Variants in IRAK4 observed in about 807,000 individuals in gnomAD.
IRAK4 encodes the protein interleukin 1 receptor associated kinase 4.
In IRAK4, 44 loss-of-function variants were observed where a neutral mutation model predicts 51.8. The observed-to-expected ratio is 0.85, with a 90% CI of 0.67 to 1.09. The LOEUF is 1.09. IRAK4 is among the 50% of genes least tolerant of loss of function. The pLI is 0.00. For synonymous variants in IRAK4, 149 were observed against 174.1 expected, an observed-to-expected ratio of 0.86 and a Z score of 1.13; for missense variants, 487 against 538.0, an observed-to-expected ratio of 0.91 and a Z score of 0.94.
At chr12:43,769,152 T>C (rs1362627078) in intron 2 of IRAK4, among the ~76,000 whole-genome samples, 1 of 152,168 alleles carries the variant, frequency 6.6e-6, no homozygotes, top group Admixed American at 6.5e-5. Context: ...TCTTTTTTTT[T>C]TCTTTTTTCC....
intron 8 of IRAK4, among the ~76,000 whole-genome samples, chr12:43,779,767 CT>C (rs1259376896): frequency 6.6e-6 from 1 of 152,092 alleles, no homozygotes; most frequent in Non-Finnish European, 1.5e-5. Context: ...TGTGAATTCT[CT>C]TTTGTACATG....
At chr12:43,779,213 T>C (rs4251507) in intron 8 of IRAK4, among the ~76,000 whole-genome samples, 1,555 of 152,112 alleles carry the variant, frequency 0.01, 34 homozygotes, top group African/African-American at 0.035. Context: ...AAGTGAGCTA[T>C]GATCGTGCCA....
chr12:43,770,977 T>A, intron 2 of IRAK4: 1 of 653,386 alleles, frequency 1.5e-6, no homozygotes, highest in Admixed American at 2.1e-5. Flanking sequence ...CTCTCTCTTT[T>A]TTTTTCTCTT....
intron 10 of IRAK4, among the ~76,000 whole-genome samples, chr12:43,785,737 A>G (rs1258952282): frequency 6.6e-6 from 1 of 151,542 alleles, no homozygotes; most frequent in Non-Finnish European, 1.5e-5. Flanking sequence ...TGTGAACCTC[A>G]TAGAGTGTAC....
In IRAK4 at chr12:43,777,558, T is replaced by C. The variant is rs575161988; in HGVS notation, c.717-72T>C. ...TTGCTCTTTTTTTCTATTAAAACTT[T>C]GAATAACTTCCAACCTATAGCTGAA... On this transcript the variant is annotated intron_variant, in intron 6 of 11. Coordinates refer to ENST00000613694, the MANE Select transcript of IRAK4 (RefSeq NM_016123.4). 5.1e-6 allele frequency: 7 copies of C among 1,386,018 alleles called. No individual in the cohort carries two copies. In the Admixed American group the frequency reaches 1.3e-4, roughly 25 times the overall value. 85.9% of individuals were successfully genotyped at this position (1,386,018 alleles called of 1,614,324 possible).
chr12:43,772,065 T>G, intron 3 of IRAK4, 115 bp from the exon 4 acceptor site: 2 of 799,856 alleles, frequency 2.5e-6, no homozygotes, highest in Non-Finnish European at 4.2e-6. Context: ...TGTGAGAATA[T>G]GAGACCAACC....
intron 1 of IRAK4, among the ~76,000 whole-genome samples, chr12:43,762,566 A>G (rs924607666): frequency 2.0e-5 from 3 of 152,218 alleles, no homozygotes; most frequent in Non-Finnish European, 4.4e-5. Context: ...CTTTCATTCA[A>G]CACAAATGTT....
intron 6 of IRAK4, among the ~76,000 whole-genome samples, chr12:43,775,452 C>T: frequency 6.6e-6 from 1 of 152,148 alleles, no homozygotes; most frequent in East Asian, 1.9e-4. Flanking sequence ...TAATACAAAC[C>T]ATCTCTCAAA....
rs780121221 is a variant in IRAK4 at position 43,773,991 on chromosome 12, G to A, written c.678G>A (p.Leu226=). 1.2e-6 allele frequency: 2 copies of A among 1,609,556 alleles called. No homozygotes were observed. The highest frequency in any genetic ancestry group is 1.7e-4 in the Middle Eastern group (1 of 6,012). Residue 226 remains leucine, a synonymous_variant, in exon 6 of 12, where the codon CTG becomes CTA. Coordinates refer to ENST00000613694, the MANE Select transcript of IRAK4 (RefSeq NM_016123.4). ...AAMVDITTEE[L]KQQFDQEIKV... Reference sequence around the variant, plus strand: ...TGGTTGACATTACTACTGAAGAACTGAAACAGCAGTTTGATCAAGAAATAA... The same window carrying A: ...TGGTTGACATTACTACTGAAGAACTAAAACAGCAGTTTGATCAAGAAATAA...
chr12:43,776,482 C>T (rs529815537), intron 6 of IRAK4, among the ~76,000 whole-genome samples: 1 of 152,346 alleles, frequency 6.6e-6, no homozygotes, highest in African/African-American at 2.4e-5. Context: ...ATATAATGAA[C>T]TGCTAGAATT....
chr12:43,783,069 A>G (rs908367784), intron 9 of IRAK4, among the ~76,000 whole-genome samples: 10 of 152,140 alleles, frequency 6.6e-5, no homozygotes, highest in Admixed American at 1.3e-4. Flanking sequence ...TCCTTAGAAC[A>G]TATGTTGAGT....
At chr12:43,781,299 A>C (rs2138036722) in intron 8 of IRAK4, among the ~76,000 whole-genome samples, 1 of 152,304 alleles carries the variant, frequency 6.6e-6, no homozygotes, top group East Asian at 1.9e-4. Context: ...ATCAGTTCTC[A>C]TCTATTCACT....
chr12:43,785,131 T>A (rs1942094342), intron 10 of IRAK4, among the ~76,000 whole-genome samples: 1 of 152,136 alleles, frequency 6.6e-6, no homozygotes. Context: ...GATGTAGGGC[T>A]TACCTCCAGG....
At chr12:43,765,336 C>T (rs542954808) in intron 1 of IRAK4, among the ~76,000 whole-genome samples, 13 of 152,260 alleles carry the variant, frequency 8.5e-5, no homozygotes, top group Admixed American at 5.9e-4. Context: ...GATGGTCTGC[C>T]GCAGCAGGCT....
In IRAK4 at chr12:43,783,706, C is replaced by T. The variant is rs1213414190; in HGVS notation, c.1170C>T (p.His390=). 2.5e-6 allele frequency: 4 copies of T among 1,606,766 alleles called. No homozygotes were observed. In the East Asian group the frequency reaches 8.9e-5, roughly 36 times the overall value. The change falls in exon 10 of 12, where the codon CAC becomes CAT. Residue 390 remains histidine (H), a synonymous_variant. Transcript: ENST00000613694. ...CTGGACTTCCAGCTGTGGATGAACA[C>T]CGTGAACCTCAGTTATTGGTAAATG... ...IITGLPAVDE[H]REPQLLLDIK...
intron 8 of IRAK4, among the ~76,000 whole-genome samples, chr12:43,781,401 G>A (rs1333905549): frequency 6.6e-6 from 1 of 152,118 alleles, no homozygotes; most frequent in African/African-American, 2.4e-5. Flanking sequence ...TTGCTCACAG[G>A]ATAAAATGCA....
chr12:43,780,148 C>T (rs1267152955), intron 8 of IRAK4, among the ~76,000 whole-genome samples: 2 of 152,174 alleles, frequency 1.3e-5, no homozygotes, highest in Non-Finnish European at 2.9e-5. Context: ...ATTGGATTAG[C>T]ATCACCATGG....
chr12:43,782,069 A>G (rs1801402564), intron 8 of IRAK4, among the ~76,000 whole-genome samples: 1 of 64,140 alleles, frequency 1.6e-5, no homozygotes, highest in South Asian at 7.3e-4. Context: ...CAAGAAACAT[A>G]AAAAAAGAGG....
At chr12:43,762,107 T>C (rs1416903257) in intron 1 of IRAK4, among the ~76,000 whole-genome samples, 1 of 152,196 alleles carries the variant, frequency 6.6e-6, no homozygotes, top group Non-Finnish European at 1.5e-5. Flanking sequence ...AAAACTATCA[T>C]AAAAGTCATC....
Sources: gnomAD v4.1 joint callset for allele counts (sites outside exome capture counted in the v4.1 genomes callset) on GRCh38, gnomAD v4.1.1 for gene constraint, MANE v1.5 for transcripts, NCBI Gene and HGNC (gene_info 2026-07-23, HGNC 2026-07-21) for gene names.